Variants in SWT1 observed in about 807,000 individuals in gnomAD.
SWT1 encodes the protein transcriptional protein SWT1.
SWT1 carries 33 observed loss-of-function variants against 107.3 expected under a neutral mutation model. The ratio of observed to expected loss-of-function variants is 0.31; its 90% CI spans 0.23 to 0.41. The LOEUF is 0.41. Among genes scored for constraint, SWT1 ranks in the 10% least tolerant of loss-of-function variants. SWT1 has a pLI of 1.00. For missense variants in SWT1, 898 were observed against 1,028.9 expected (o/e 0.87, Z 1.74); for synonymous variants, 345 against 348.3 (o/e 0.99, Z 0.11).
chr1:185,206,846 T>A, intron 13 of SWT1, 83 bp downstream of exon 13: 1 of 1,021,384 alleles, frequency 9.8e-7, no homozygotes, highest in Non-Finnish European at 1.4e-6. Flanking sequence ...GAAGATAAAT[T>A]AATGAAGAAT....
At chr1:185,251,790 A>G (rs922187801) in intron 16 of SWT1, among the ~76,000 whole-genome samples, 3 of 150,584 alleles carry the variant, frequency 2.0e-5, no homozygotes, top group African/African-American at 7.3e-5. Context: ...CAATTTATAT[A>G]TATATATATT....
intron 18 of SWT1, among the ~76,000 whole-genome samples, chr1:185,286,777 CTT>C (rs1013281067): frequency 5.9e-5 from 9 of 152,020 alleles, no homozygotes; most frequent in African/African-American, 2.2e-4. Context: ...GTTTGGATCT[CTT>C]TTATTTCTTA....
In SWT1 at chr1:185,247,648, C is replaced by T. The variant is rs150417797; in HGVS notation, c.2441+15940C>T. On this transcript the variant is annotated intron_variant, in intron 16 of 18. Coordinates refer to ENST00000367500, the MANE Select transcript of SWT1 (RefSeq NM_017673.7). Reference sequence around the variant, plus strand: ...GGCTCTGTAGAGGTCTGTCTGGATTCTCAGGGTGATGTAGGGGAAAGCATA... The same window carrying T: ...GGCTCTGTAGAGGTCTGTCTGGATTTTCAGGGTGATGTAGGGGAAAGCATA... Among the ~76,000 whole-genome samples, 725 of 152,208 alleles carry T rather than the reference C, an allele frequency of 4.8e-3. 6 individuals carry two copies. The highest frequency in any genetic ancestry group is 0.016 in the African/African-American group (684 of 41,534).
chr1:185,250,450 TTACACTGCTAAGTGAA>T (rs1223895219), intron 16 of SWT1, among the ~76,000 whole-genome samples: 1 of 152,222 alleles, frequency 6.6e-6, no homozygotes, highest in Non-Finnish European at 1.5e-5. Flanking sequence ...TGAATAGTTC[TTACACTGCTAAGTGAA>T]GAAAATTTTG....
At position 185,263,081 on chromosome 1, in the gene SWT1, C is replaced by T. The variant is rs895561199; in HGVS notation, c.2442-8242C>T. ...GCATTACAGGCATGAGCCATGGTGC[C>T]AGCCCCAAATTTTCTCTTCTTATTA... On this transcript the variant is annotated intron_variant, in intron 16 of 18. Coordinates refer to ENST00000367500, the MANE Select transcript of SWT1 (RefSeq NM_017673.7). Among the ~76,000 whole-genome samples the T allele has an allele frequency of 6.6e-5, 10 of 152,298 alleles. No homozygotes were observed. The South Asian group carries it at 2.1e-3, about 32-fold the overall frequency.
At chr1:185,213,067 A>G (rs1658949186) in intron 13 of SWT1, among the ~76,000 whole-genome samples, 1 of 152,038 alleles carries the variant, frequency 6.6e-6, no homozygotes, top group Non-Finnish European at 1.5e-5. Flanking sequence ...ATTCATGTAG[A>G]TTTCTTTTTT....
At chr1:185,173,042 C>CAAA (rs71555458) in intron 4 of SWT1, among the ~76,000 whole-genome samples, 8 of 87,266 alleles carry the variant, frequency 9.2e-5, no homozygotes, top group Non-Finnish European at 1.6e-4. Context: ...GACTCCGTCT[C>CAAA]AAAAAAAAAA....
chr1:185,253,480 C>A (rs1026568933), intron 16 of SWT1, among the ~76,000 whole-genome samples: 6 of 151,112 alleles, frequency 4.0e-5, no homozygotes, highest in African/African-American at 1.5e-4. Flanking sequence ...TTGTAGTTCT[C>A]CTTGAAGAGG....
chr1:185,217,935 A>G (rs1270466497), intron 14 of SWT1, among the ~76,000 whole-genome samples: 1 of 152,186 alleles, frequency 6.6e-6, no homozygotes, highest in Non-Finnish European at 1.5e-5. Context: ...TATAATAGAA[A>G]TAAAGTGCAC....
intron 10 of SWT1, among the ~76,000 whole-genome samples, chr1:185,196,065 C>T (rs1657360700): frequency 6.6e-6 from 1 of 152,144 alleles, no homozygotes. Flanking sequence ...GAAGTCTTTG[C>T]CCATGCCTAT....
intron 15 of SWT1, among the ~76,000 whole-genome samples, chr1:185,229,745 TTC>T (rs1165011274): frequency 6.6e-6 from 1 of 152,170 alleles, no homozygotes; most frequent in African/African-American, 2.4e-5. Flanking sequence ...GTATTACATA[TTC>T]TCTTTTTACA....
intron 15 of SWT1, among the ~76,000 whole-genome samples, chr1:185,228,190 CATATATAT>C (rs66669113): frequency 0.12 from 9,989 of 82,152 alleles, 458 homozygotes; most frequent in East Asian, 0.2. Flanking sequence ...TATATATATA[CATATATAT>C]ATACTCAGTA....
chr1:185,273,131 G>T (rs1663997948), intron 17 of SWT1, among the ~76,000 whole-genome samples: 1 of 152,138 alleles, frequency 6.6e-6, no homozygotes, highest in African/African-American at 2.4e-5. Context: ...TTGGCTGAGC[G>T]CCGTGGCTCA....
intron 18 of SWT1, among the ~76,000 whole-genome samples, chr1:185,284,784 A>G (rs1664850552): frequency 6.6e-6 from 1 of 152,162 alleles, no homozygotes; most frequent in Admixed American, 6.5e-5. Context: ...AGTGTCTTCA[A>G]GAGATAATTA....
intron 18 of SWT1, among the ~76,000 whole-genome samples, chr1:185,289,069 A>G (rs914863185): frequency 7.9e-5 from 12 of 152,194 alleles, no homozygotes; most frequent in Admixed American, 2.0e-4. Context: ...TGTTCCTTTC[A>G]GGAGGTACAT....
At chr1:185,260,170 C>A (rs1571647679) in intron 16 of SWT1, among the ~76,000 whole-genome samples, 1 of 152,040 alleles carries the variant, frequency 6.6e-6, no homozygotes, top group East Asian at 1.9e-4. Flanking sequence ...CATCCTTAAG[C>A]CCAAGGGGCA....
At chr1:185,181,415 C>T (rs1330338531) in intron 6 of SWT1, among the ~76,000 whole-genome samples, 1 of 152,180 alleles carries the variant, frequency 6.6e-6, no homozygotes, top group Non-Finnish European at 1.5e-5. Flanking sequence ...TTCTTTGTGT[C>T]ACAATACATC....
At chr1:185,230,448 C>T (rs1454327439) in intron 15 of SWT1, among the ~76,000 whole-genome samples, 1 of 152,098 alleles carries the variant, frequency 6.6e-6, no homozygotes, top group Non-Finnish European at 1.5e-5. Context: ...GTAGATGTAT[C>T]ACTCCCATCT....
At chr1:185,267,426 A>G (rs1056136468) in intron 16 of SWT1, among the ~76,000 whole-genome samples, 1 of 152,174 alleles carries the variant, frequency 6.6e-6, no homozygotes, top group African/African-American at 2.4e-5. Flanking sequence ...GGTCAGACTT[A>G]AGTGTTCAGT....
Sources: gnomAD v4.1 joint callset for allele counts (sites outside exome capture counted in the v4.1 genomes callset) on GRCh38, gnomAD v4.1.1 for gene constraint, MANE v1.5 for transcripts, NCBI Gene and HGNC (gene_info 2026-07-23, HGNC 2026-07-21) for gene names.